GPHN: variants seen among roughly 807,000 people sequenced by gnomAD.
GPHN encodes the protein gephyrin.
In GPHN, 17 loss-of-function variants were observed where a neutral mutation model predicts 95.5. The observed-to-expected ratio is 0.18, with a 90% CI of 0.12 to 0.27. The LOEUF is 0.27. Among genes scored for constraint, GPHN ranks in the 10% least tolerant of loss-of-function variants. The pLI is 1.00. For synonymous variants in GPHN, 320 were observed against 322.5 expected (o/e 0.99, Z 0.08); for missense variants, 660 against 978.1 (o/e 0.67, Z 4.34).
intron 18 of GPHN, among the ~76,000 whole-genome samples, chr14:67,151,925 T>C (rs918427118): frequency 5.9e-5 from 9 of 152,142 alleles, no homozygotes; most frequent in Non-Finnish European, 1.2e-4. Context: ...ATTTCAGACT[T>C]GAGCCACCAT....
rs897853323 is a variant in GPHN, at chr14:66,757,225, G to T, written c.144-19239G>T. 1.1e-4 allele frequency among the ~76,000 whole-genome samples: 16 copies of T among 152,170 alleles called. No individual in the cohort carries two copies. In the South Asian group the frequency reaches 1.5e-3, roughly 14 times the overall value. On this transcript the variant is annotated intron_variant, in intron 2 of 22. Coordinates refer to ENST00000478722, the MANE Select transcript of GPHN (RefSeq NM_020806.5). ...AAGTTGATACAATCTCCAAGAACTA[G>T]AAGTATTTATTACATAAAATCATCT...
chr14:67,733,516 A>G, the GPHN span, among the ~76,000 whole-genome samples: 1 of 152,186 alleles, frequency 6.6e-6, no homozygotes, highest in Admixed American at 6.5e-5. Context: ...TGATTATTAG[A>G]CCTGGTACTA....
chr14:66,643,981 A>C (rs532375341), intron 1 of GPHN, among the ~76,000 whole-genome samples: 4 of 152,122 alleles, frequency 2.6e-5, no homozygotes, highest in African/African-American at 9.6e-5. Context: ...AATCAAAGAC[A>C]GCCAACTGAG....
the GPHN span, among the ~76,000 whole-genome samples, chr14:67,598,150 C>A: frequency 6.6e-6 from 1 of 152,164 alleles, no homozygotes; most frequent in African/African-American, 2.4e-5. Context: ...GATTTCTTCT[C>A]ATTCCAGATA....
At chr14:67,242,614 A>G in the GPHN span, among the ~76,000 whole-genome samples, 1 of 152,080 alleles carries the variant, frequency 6.6e-6, no homozygotes, top group Non-Finnish European at 1.5e-5. Flanking sequence ...GCTTCCTTGA[A>G]TTAAGAACTA....
chr14:67,656,030 G>T, the GPHN span, among the ~76,000 whole-genome samples: 1 of 152,162 alleles, frequency 6.6e-6, no homozygotes, highest in Non-Finnish European at 1.5e-5. Flanking sequence ...TGGATCACCT[G>T]AAGTTAGGAG....
At chr14:67,559,747 ACCCCCGGAGTTTCCTG>A in the GPHN span, 1 of 1,198,730 alleles carries the variant, frequency 8.3e-7, no homozygotes, top group Non-Finnish European at 1.2e-6. Context: ...GCCTGCCCTG[ACCCCCGGAGTTTCCTG>A]CCCCCTACTG....
intron 1 of GPHN, among the ~76,000 whole-genome samples, chr14:66,559,581 T>G (rs201379702): frequency 0.34 from 50,651 of 151,160 alleles, 12,841 homozygotes; most frequent in African/African-American, 0.69. Context: ...GTTTTTGATG[T>G]GGTTGTTTGT....
chr14:66,973,626 G>C (rs1391709952), intron 9 of GPHN, among the ~76,000 whole-genome samples: 4 of 152,174 alleles, frequency 2.6e-5, no homozygotes, highest in Non-Finnish European at 5.9e-5. Context: ...GGGCGTGGTG[G>C]TGGGCGCCTG....
At chr14:66,785,515 A>G (rs1595894344) in intron 3 of GPHN, among the ~76,000 whole-genome samples, 1 of 152,144 alleles carries the variant, frequency 6.6e-6, no homozygotes, top group East Asian at 1.9e-4. Flanking sequence ...GGAAAACAGC[A>G]ATCTTAAAAG....
intron 8 of GPHN, among the ~76,000 whole-genome samples, chr14:66,933,700 G>T (rs2066946910): frequency 6.6e-6 from 1 of 152,110 alleles, no homozygotes; most frequent in Admixed American, 6.6e-5. Flanking sequence ...ATTATTTTTA[G>T]TACAGGAGAT....
intron 8 of GPHN, among the ~76,000 whole-genome samples, chr14:66,929,017 T>G (rs867447622): frequency 3.8e-4 from 57 of 151,984 alleles, no homozygotes; most frequent in African/African-American, 1.3e-3. Context: ...ATCTATTAGA[T>G]CTATTTGATC....
intron 4 of GPHN, among the ~76,000 whole-genome samples, chr14:66,874,628 C>T (rs575529784): frequency 1.3e-4 from 20 of 151,844 alleles, no homozygotes; most frequent in Non-Finnish European, 2.1e-4. Flanking sequence ...TATCAATAGC[C>T]GAATCAATCA....
the GPHN span, among the ~76,000 whole-genome samples, chr14:67,669,418 C>T: frequency 1.3e-5 from 2 of 150,472 alleles, no homozygotes; most frequent in African/African-American, 5.0e-5. Flanking sequence ...TACAAGTGAG[C>T]AGCACCACAC....
chr14:67,088,295 A>T (rs551282027), intron 11 of GPHN, among the ~76,000 whole-genome samples: 2 of 152,200 alleles, frequency 1.3e-5, no homozygotes, highest in Non-Finnish European at 2.9e-5. Flanking sequence ...TTCTGAAGTA[A>T]TAAATGCTTT....
intron 2 of GPHN, among the ~76,000 whole-genome samples, chr14:66,717,745 G>A (rs1421231895): frequency 6.6e-6 from 1 of 152,154 alleles, no homozygotes; most frequent in Non-Finnish European, 1.5e-5. Context: ...GTGGCTTCCT[G>A]AGAGCCAAGC....
At chr14:67,726,236 A>G in the GPHN span, 2 of 888,808 alleles carry the variant, frequency 2.3e-6, no homozygotes, top group South Asian at 2.6e-5. Flanking sequence ...AAATGTGGAG[A>G]ATGTCCAGGG....
At chr14:67,375,500 T>C in the GPHN span, among the ~76,000 whole-genome samples, 3 of 150,526 alleles carry the variant, frequency 2.0e-5, no homozygotes, top group African/African-American at 7.4e-5. Flanking sequence ...TTTTCTGCCA[T>C]GAGTGTTTCT....
At chr14:67,282,271 G>C in the GPHN span, among the ~76,000 whole-genome samples, 1 of 152,032 alleles carries the variant, frequency 6.6e-6, no homozygotes, top group African/African-American at 2.4e-5. Flanking sequence ...CATTGTGTGT[G>C]TCTCCTGGCT....
Sources: gnomAD v4.1 joint callset for allele counts (sites outside exome capture counted in the v4.1 genomes callset) on GRCh38, gnomAD v4.1.1 for gene constraint, MANE v1.5 for transcripts, NCBI Gene and HGNC (gene_info 2026-07-23, HGNC 2026-07-21) for gene names.